INSL6: variants seen among roughly 807,000 people sequenced by gnomAD.
INSL6 encodes insulin-like peptide INSL6.
A neutral mutation model predicts 9.4 loss-of-function variants in INSL6; 16 were observed. The ratio of observed to expected loss-of-function variants is 1.70; its 90% CI spans 1.15 to 2.59. The LOEUF (loss-of-function observed/expected upper bound fraction) is 2.59. Among genes scored for constraint, INSL6 ranks in the 30% most tolerant of loss-of-function variants. INSL6 has a pLI of 0.00. For missense variants in INSL6, 391 were observed against 257.3 expected (o/e 1.52, Z -3.56); for synonymous variants, 154 against 96.9 (o/e 1.59, Z -3.46).
chr9:5,041,856 G>A, the INSL6 span: 15 of 466,058 alleles, frequency 3.2e-5, no homozygotes, highest in African/African-American at 2.4e-4. Context: ...GAACGCGGAC[G>A]ACCCCATGGC....
the INSL6 span, chr9:5,110,159 A>T: frequency 6.6e-6 from 1 of 152,254 alleles, no homozygotes; most frequent in African/African-American, 2.4e-5. Context: ...TCCATCCCTG[A>T]CTTCCATCCG....
the INSL6 span, among the ~76,000 whole-genome samples, chr9:4,993,436 A>G: frequency 6.6e-6 from 1 of 152,162 alleles, no homozygotes; most frequent in Non-Finnish European, 1.5e-5. Flanking sequence ...TCTTTAGTTC[A>G]TCTCTCTGTT....
At chr9:5,038,967 T>G in the INSL6 span, among the ~76,000 whole-genome samples, 1 of 151,998 alleles carries the variant, frequency 6.6e-6, no homozygotes, top group East Asian at 1.9e-4. Flanking sequence ...CCCATCATTA[T>G]AAAAAAACTC....
chr9:4,994,006 C>T, the INSL6 span, among the ~76,000 whole-genome samples: 1 of 152,146 alleles, frequency 6.6e-6, no homozygotes, highest in African/African-American at 2.4e-5. Context: ...GGTTGGTTCC[C>T]ACCTTGTGCC....
At chr9:5,161,625 T>A (rs1824928463), downstream of INSL6, among the ~76,000 whole-genome samples, 1 of 152,140 alleles carries the variant, frequency 6.6e-6, no homozygotes, top group South Asian at 2.1e-4. Context: ...GACAACCGAA[T>A]TGGAAAGAAA....
chr9:5,066,807 A>T, the INSL6 span: 1 of 1,133,268 alleles, frequency 8.8e-7, no homozygotes, highest in East Asian at 2.6e-5. Context: ...TGTCACACTT[A>T]TTAGTGGTAA....
At chr9:5,162,780 G>C (rs368393759), downstream of INSL6, among the ~76,000 whole-genome samples, 2 of 152,140 alleles carry the variant, frequency 1.3e-5, no homozygotes, top group African/African-American at 4.8e-5. Flanking sequence ...TTTGTTCTAA[G>C]AATTAACAAA....
the INSL6 span, among the ~76,000 whole-genome samples, chr9:4,999,016 G>A: frequency 7.3e-5 from 11 of 151,638 alleles, no homozygotes; most frequent in Non-Finnish European, 1.5e-4. Flanking sequence ...CAGTAGAGAC[G>A]GGGTTTCACC....
the INSL6 span, among the ~76,000 whole-genome samples, chr9:5,103,672 G>C: frequency 6.6e-6 from 1 of 151,996 alleles, no homozygotes; most frequent in Non-Finnish European, 1.5e-5. Flanking sequence ...TAGAAGTAAA[G>C]CACTTCTCAC....
chr9:5,003,288 A>G, the INSL6 span, among the ~76,000 whole-genome samples: 2 of 152,024 alleles, frequency 1.3e-5, no homozygotes, highest in African/African-American at 2.4e-5. Context: ...GGTTGAATCT[A>G]TAGATTAATT....
the INSL6 span, among the ~76,000 whole-genome samples, chr9:5,103,602 A>G: frequency 6.6e-6 from 1 of 152,266 alleles, no homozygotes; most frequent in Admixed American, 6.5e-5. Context: ...CTCCACCCCA[A>G]ATCAACAGAA....
intron 2 of INSL6, among the ~76,000 whole-genome samples, chr9:5,137,294 A>T (rs973094328): frequency 1.6e-4 from 25 of 152,228 alleles, no homozygotes; most frequent in Admixed American, 1.5e-3. Context: ...GAACCAAAAA[A>T]AAGAGCCTGC....
At chr9:5,042,748 G>C in the INSL6 span, among the ~76,000 whole-genome samples, 1 of 152,332 alleles carries the variant, frequency 6.6e-6, no homozygotes, top group Non-Finnish European at 1.5e-5. Context: ...CACAGGCATT[G>C]CTGCCAGGGG....
chr9:5,111,752 G>T, the INSL6 span: 3 of 424,646 alleles, frequency 7.1e-6, no homozygotes, highest in African/African-American at 4.1e-5. Context: ...GCACGGAGGA[G>T]AAGTGAACGG....
the INSL6 span, among the ~76,000 whole-genome samples, chr9:4,994,012 G>A: frequency 6.6e-6 from 1 of 152,318 alleles, no homozygotes; most frequent in Non-Finnish European, 1.5e-5. Context: ...TTCCCACCTT[G>A]TGCCTTGAGT....
chr9:4,995,196 A>T, the INSL6 span, among the ~76,000 whole-genome samples: 6 of 152,146 alleles, frequency 3.9e-5, no homozygotes, highest in Admixed American at 3.9e-4. Context: ...CTTCACTCAT[A>T]TCTTGGCCCA....
At chr9:5,099,214 C>A in the INSL6 span, 1 of 152,186 alleles carries the variant, frequency 6.6e-6, no homozygotes, top group African/African-American at 2.4e-5. Flanking sequence ...CACTGGGCGA[C>A]CAGGTCTTTA....
At chr9:5,093,739 C>G in the INSL6 span, among the ~76,000 whole-genome samples, 1 of 152,170 alleles carries the variant, frequency 6.6e-6, no homozygotes, top group Non-Finnish European at 1.5e-5. Flanking sequence ...CTAGGGATAA[C>G]AGTGCAATCC....
chr9:5,068,979 A>G, the INSL6 span: 108 of 1,147,824 alleles, frequency 9.4e-5, no homozygotes, highest in African/African-American at 1.5e-3. Flanking sequence ...TGTGATGTCC[A>G]TTGTGACTAT....
Sources: gnomAD v4.1 joint callset for allele counts (sites outside exome capture counted in the v4.1 genomes callset) on GRCh38, gnomAD v4.1.1 for gene constraint, MANE v1.5 for transcripts, NCBI Gene and HGNC (gene_info 2026-07-23, HGNC 2026-07-21) for gene names.